KLRG1: variants seen among roughly 807,000 people sequenced by gnomAD.
KLRG1 encodes killer cell lectin like receptor G1, also known as killer cell lectin-like receptor subfamily G member 1.
A neutral mutation model predicts 21.8 loss-of-function variants in KLRG1; 16 were observed. The observed-to-expected ratio is 0.73, with a 90% confidence interval of 0.50 to 1.11. The LOEUF is 1.11. KLRG1 is among the 50% of genes most tolerant of loss of function. The probability of loss-of-function intolerance (pLI) is 0.00; values close to 1 mark genes in which losing one functional copy is unlikely to be tolerated. For synonymous variants in KLRG1, 69 were observed against 75.9 expected, an observed-to-expected ratio of 0.91 and a Z score of 0.47; for missense variants, 173 against 218.3, an observed-to-expected ratio of 0.79 and a Z score of 1.31.
the KLRG1 span, among the ~76,000 whole-genome samples, chr12:9,105,331 G>A: frequency 6.6e-6 from 1 of 152,270 alleles, no homozygotes; most frequent in African/African-American, 2.4e-5. Flanking sequence ...ATATTTAACA[G>A]CAATAAAATG....
chr12:9,160,165 G>C, the KLRG1 span: 3 of 1,107,664 alleles, frequency 2.7e-6, no homozygotes, highest in African/African-American at 3.1e-5. Context: ...GTTATGGATA[G>C]ATCAAACACA....
the KLRG1 span, among the ~76,000 whole-genome samples, chr12:9,023,471 C>T: frequency 1.3e-5 from 2 of 152,082 alleles, no homozygotes; most frequent in Non-Finnish European, 2.9e-5. Context: ...AGTCCAAGGC[C>T]ACAAAGGTTG....
intron 1 of KLRG1, among the ~76,000 whole-genome samples, chr12:8,975,845 A>G (rs1477198717): frequency 1.3e-5 from 2 of 152,100 alleles, no homozygotes; most frequent in African/African-American, 4.8e-5. Context: ...TACACGTGTG[A>G]GCCACTGGGC....
the KLRG1 span, among the ~76,000 whole-genome samples, chr12:9,211,173 A>G: frequency 1.3e-5 from 2 of 152,106 alleles, no homozygotes; most frequent in African/African-American, 4.8e-5. Flanking sequence ...TTCTTCCAGT[A>G]TTCCTTTAAA....
At chr12:9,146,546 T>G in the KLRG1 span, among the ~76,000 whole-genome samples, 4 of 152,220 alleles carry the variant, frequency 2.6e-5, no homozygotes, top group African/African-American at 9.6e-5. Context: ...AAGGAATATC[T>G]TTGCCTAATT....
the KLRG1 span, chr12:9,148,775 A>G: frequency 1.4e-5 from 7 of 513,194 alleles, no homozygotes; most frequent in Non-Finnish European, 2.0e-5. Context: ...AATTAAACAG[A>G]AAGAATATAA....
the KLRG1 span, among the ~76,000 whole-genome samples, chr12:9,074,057 C>T: frequency 2.1e-5 from 3 of 143,108 alleles, no homozygotes; most frequent in Non-Finnish European, 4.5e-5. Flanking sequence ...CACTGCATTC[C>T]AGCCTAGGTG....
chr12:8,972,997 C>T (rs1025340254), intron 1 of KLRG1, among the ~76,000 whole-genome samples: 2 of 151,300 alleles, frequency 1.3e-5, no homozygotes, highest in African/African-American at 2.4e-5. Flanking sequence ...AAAAGTTAGC[C>T]GGGCATGGTG....
At chr12:9,089,278 T>G in the KLRG1 span, 1 of 1,522,584 alleles carries the variant, frequency 6.6e-7, no homozygotes, top group Non-Finnish European at 9.0e-7. Context: ...GAAAAGCTAG[T>G]GAGAATGGAC....
At chr12:9,163,174 G>A in the KLRG1 span, among the ~76,000 whole-genome samples, 1 of 151,668 alleles carries the variant, frequency 6.6e-6, no homozygotes, top group Non-Finnish European at 1.5e-5. Flanking sequence ...GAGAGGTGGA[G>A]ATCAAGAAAT....
At chr12:8,964,884 G>C (rs1414506833) in intron 1 of KLRG1, among the ~76,000 whole-genome samples, 2 of 151,212 alleles carry the variant, frequency 1.3e-5, no homozygotes, top group African/African-American at 2.4e-5. Flanking sequence ...TTTTCCATTT[G>C]CTTGGTAGAT....
At chr12:8,959,533 G>A (rs181795778) in intron 1 of KLRG1, among the ~76,000 whole-genome samples, 8 of 152,104 alleles carry the variant, frequency 5.3e-5, no homozygotes, top group Admixed American at 2.0e-4. Context: ...TGAACTCTTG[G>A]GGGGATGAGT....
chr12:9,210,721 TA>T, the KLRG1 span, among the ~76,000 whole-genome samples: 1 of 152,218 alleles, frequency 6.6e-6, no homozygotes. Context: ...TTATTTTATA[TA>T]AAGAGTATTG....
the KLRG1 span, chr12:9,064,399 A>T: frequency 6.5e-6 from 1 of 154,176 alleles, no homozygotes; most frequent in Non-Finnish European, 1.5e-5. This position sits in a 1 kb window ranked among gnomAD's most constrained non-coding sequence, Gnocchi z 4.0. Context: ...GCTGTGGGAC[A>T]TCTGTGCCTC....
chr12:9,067,742 C>A, the KLRG1 span: 1 of 1,303,348 alleles, frequency 7.7e-7, no homozygotes, highest in South Asian at 1.2e-5. Flanking sequence ...TTCATCAAGT[C>A]TTTAAAGATA....
At chr12:9,027,509 C>T in the KLRG1 span, 1 of 1,111,294 alleles carries the variant, frequency 9.0e-7, no homozygotes. Context: ...TCTTCTCCTG[C>T]TAAGCTTTGT....
intron 1 of KLRG1, 62 bp from the exon 2 acceptor site, chr12:8,992,144 C>CT: frequency 7.1e-7 from 1 of 1,405,408 alleles, no homozygotes; most frequent in South Asian, 1.3e-5. Context: ...CCTTCCCTGA[C>CT]TTTCTCTTTT....
rs760607646 is a variant in KLRG1 at position 8,990,756 on chromosome 12, A to C, written c.82+1039A>C. Among the ~76,000 whole-genome samples, 3 of 152,298 alleles carry C rather than the reference A, an allele frequency of 2.0e-5. No homozygotes were observed. In the South Asian group the frequency reaches 6.2e-4, roughly 32 times the overall value. On this transcript the variant is annotated intron_variant, in intron 1 of 4. Coordinates refer to ENST00000356986, the MANE Select transcript of KLRG1 (RefSeq NM_005810.4). ...TTAGAGGCTTTCAATATATACTTAA[A>C]GTAAATTTTAAAAATTTACTTTACT...
At chr12:8,978,193 C>G (rs185618988) in intron 1 of KLRG1, among the ~76,000 whole-genome samples, 1 of 152,226 alleles carries the variant, frequency 6.6e-6, no homozygotes, top group African/African-American at 2.4e-5. Flanking sequence ...TTTCACATTG[C>G]TAGTTAGCAT....
Sources: allele counts gnomAD v4.1 joint callset (sites outside exome capture counted in the v4.1 genomes callset), GRCh38; gene constraint gnomAD v4.1.1; non-coding constraint Gnocchi (gnomAD v3.1); transcripts MANE v1.5; gene names NCBI Gene and HGNC (gene_info 2026-07-23, HGNC 2026-07-21).